The following BTBD7 variants were observed in gnomAD, a reference collection of about 807,000 sequenced individuals.
BTBD7 encodes the protein BTB domain containing 7.
In BTBD7, 38 loss-of-function variants were observed where a neutral mutation model predicts 99.9. The observed-to-expected ratio is 0.38, with a 90% CI of 0.29 to 0.50. BTBD7 has a LOEUF of 0.50. BTBD7 is among the 20% of genes least tolerant of loss of function. The pLI is 0.93. For synonymous variants in BTBD7, 520 were observed against 511.4 expected, an observed-to-expected ratio of 1.02 and a Z score of -0.23; for missense variants, 1,170 against 1,394.6, an observed-to-expected ratio of 0.84 and a Z score of 2.57.
chr14:93,262,133 AT>A (rs747240844), intron 4 of BTBD7, among the ~76,000 whole-genome samples: 27,084 of 140,460 alleles, frequency 0.19, 2,479 homozygotes, highest in African/African-American at 0.23. Context: ...CACCCAGCTA[AT>A]TTTTTTTTTT....
intron 9 of BTBD7, among the ~76,000 whole-genome samples, chr14:93,247,214 G>C (rs1364674284): frequency 6.6e-6 from 1 of 152,144 alleles, no homozygotes; most frequent in African/African-American, 2.4e-5. Flanking sequence ...TTTTTGTAGA[G>C]ATAGGGTTTT....
At chr14:93,258,582 A>T (rs1262812865) in intron 5 of BTBD7, among the ~76,000 whole-genome samples, 3 of 151,680 alleles carry the variant, frequency 2.0e-5, no homozygotes, top group Non-Finnish European at 4.4e-5. Context: ...CCTTTTATTT[A>T]TTTTTTTATT....
At position 93,251,591 on chromosome 14, in the gene BTBD7, A is replaced by G. The variant is rs914862291; in HGVS notation, c.1814T>C (p.Met605Thr). Reference protein sequence around the residue: ...TDLVRLRMVRMSNVPDTLYMV... With the variant: ...TDLVRLRMVRTSNVPDTLYMV... ...GTAGAGCGTGTCTGGCACATTGGACATTCTAACCATTCGCAAGCGCACAAG... is the reference window on the plus strand; with the variant it reads ...GTAGAGCGTGTCTGGCACATTGGACGTTCTAACCATTCGCAAGCGCACAAG... The change falls in exon 8 of 11, where the codon ATG becomes ACG. Residue 605 changes from methionine (M) to threonine (T), a missense_variant. Met to Thr is a moderately conservative substitution (Grantham distance 81, BLOSUM62 -1). Around this residue, in one of 4 missense-constraint regions of BTBD7, gnomAD observed 309 missense variants for 342.0 expected, o/e 0.90. Transcript: ENST00000334746. The G allele has an allele frequency of 1.9e-6, 3 of 1,613,774 alleles. No individual in the cohort carries two copies. The highest frequency in any genetic ancestry group is 1.3e-5 in the African/African-American group (1 of 75,034).
At chr14:93,258,643 G>T (rs2052456372) in intron 5 of BTBD7, among the ~76,000 whole-genome samples, 1 of 152,072 alleles carries the variant, frequency 6.6e-6, no homozygotes, top group African/African-American at 2.4e-5. Context: ...AGAGTGCAGT[G>T]GCATGATCTT....
In BTBD7 at chr14:93,304,978, G is replaced by T. The variant is rs1345484637; in HGVS notation, c.-106-8821C>A. 2.6e-5 allele frequency among the ~76,000 whole-genome samples: 4 copies of T among 152,162 alleles called. No individual in the cohort carries two copies. The East Asian group carries it at 7.7e-4, about 29-fold the overall frequency. On this transcript the variant is annotated intron_variant, in intron 1 of 10. Transcript: ENST00000334746. ...GAAACTCAAAGGTTTCCTCATCCAG[G>T]GCAGTCTTCATGAAGACAGTTCAAA...
intron 3 of BTBD7, among the ~76,000 whole-genome samples, chr14:93,266,773 CA>C: frequency 6.6e-6 from 1 of 152,262 alleles, no homozygotes; most frequent in African/African-American, 2.4e-5. Flanking sequence ...GGTAACAGAG[CA>C]AATAAAAGAT....
chr14:93,259,858 C>T (rs543681117), intron 5 of BTBD7, among the ~76,000 whole-genome samples: 2 of 152,146 alleles, frequency 1.3e-5, no homozygotes, highest in South Asian at 2.1e-4. Flanking sequence ...AGCTTGAACC[C>T]GGGAGGCAGA....
chr14:93,295,330 G>A (rs570672233), intron 2 of BTBD7, among the ~76,000 whole-genome samples: 106 of 152,044 alleles, frequency 7.0e-4, no homozygotes, highest in South Asian at 1.2e-3. Flanking sequence ...CACTAATGTT[G>A]CTCAGGCTGG....
chr14:93,267,727 G>A (rs945297013), intron 3 of BTBD7, among the ~76,000 whole-genome samples: 2 of 152,106 alleles, frequency 1.3e-5, no homozygotes, highest in African/African-American at 2.4e-5. Flanking sequence ...GTTCTTCTCC[G>A]GATGCCCATA....
intron 1 of BTBD7, among the ~76,000 whole-genome samples, chr14:93,329,281 A>T (rs1346417390): frequency 6.6e-6 from 1 of 152,254 alleles, no homozygotes; most frequent in Non-Finnish European, 1.5e-5. Context: ...TAACATCACC[A>T]ATCATTTTTA....
intron 3 of BTBD7, among the ~76,000 whole-genome samples, chr14:93,285,706 T>A (rs1206261376): frequency 1.3e-5 from 2 of 152,198 alleles, no homozygotes; most frequent in Non-Finnish European, 1.5e-5. Flanking sequence ...GTATATATGC[T>A]AAGGTCATTA....
rs752271588 is a variant in BTBD7 at position 93,251,569 on chromosome 14, G to C, written c.1836C>G (p.Leu612=). Residue 612 remains leucine, a synonymous_variant, in exon 8 of 11, where the codon CTC becomes CTG. Coordinates refer to ENST00000334746, the MANE Select transcript of BTBD7 (RefSeq NM_001002860.4). ...MVRMSNVPDT[L]YMVNNAVPQC... is the part of the protein sequence containing the mutation. Reference sequence around the variant, plus strand: ...GTGGCACGGCATTATTGACCATGTAGAGCGTGTCTGGCACATTGGACATTC... The same window carrying C: ...GTGGCACGGCATTATTGACCATGTACAGCGTGTCTGGCACATTGGACATTC... 9 of 1,613,912 alleles carry C rather than the reference G, an allele frequency of 5.6e-6. No individual in the cohort carries two copies. The highest frequency in any genetic ancestry group is 1.1e-5 in the South Asian group (1 of 91,064).
At chr14:93,295,269 CCTGG>C (rs1480776760) in intron 2 of BTBD7, among the ~76,000 whole-genome samples, 1 of 152,054 alleles carries the variant, frequency 6.6e-6, no homozygotes, top group African/African-American at 2.4e-5. Context: ...TGCCACCATG[CCTGG>C]CTAATTAAAA....
chr14:93,299,408 C>T (rs981415188), intron 1 of BTBD7, among the ~76,000 whole-genome samples: 1 of 152,198 alleles, frequency 6.6e-6, no homozygotes, highest in Non-Finnish European at 1.5e-5. Context: ...TCTCTCCAGG[C>T]AAGCCTGGTC....
At chr14:93,316,442 T>A (rs1286728125) in intron 1 of BTBD7, among the ~76,000 whole-genome samples, 1 of 151,970 alleles carries the variant, frequency 6.6e-6, no homozygotes, top group Non-Finnish European at 1.5e-5. Context: ...TCTGTTGAGG[T>A]CTTGGTGTGT....
chr14:93,243,520 A>G (rs1392862236), intron 10 of BTBD7, among the ~76,000 whole-genome samples: 1 of 152,186 alleles, frequency 6.6e-6, no homozygotes, highest in Non-Finnish European at 1.5e-5. Flanking sequence ...AAAAATACAG[A>G]AAGCTATAAA....
intron 1 of BTBD7, among the ~76,000 whole-genome samples, chr14:93,308,103 G>C (rs963294892): frequency 6.6e-6 from 1 of 152,088 alleles, no homozygotes; most frequent in African/African-American, 2.4e-5. Flanking sequence ...GACCATCCTG[G>C]CTAACACAGT....
intron 9 of BTBD7, 115 bp from the exon 10 acceptor site, chr14:93,246,401 TA>T: frequency 8.7e-7 from 1 of 1,144,134 alleles, no homozygotes; most frequent in Non-Finnish European, 1.2e-6. Context: ...TCAGCAAGAA[TA>T]AAAAGCATAA....
intron 1 of BTBD7, among the ~76,000 whole-genome samples, chr14:93,310,943 C>G (rs1408241827): frequency 6.6e-6 from 1 of 151,846 alleles, no homozygotes; most frequent in Non-Finnish European, 1.5e-5. Flanking sequence ...ACATGATAGT[C>G]TATCATTCTT....
Sources: gnomAD v4.1 joint callset for allele counts (sites outside exome capture counted in the v4.1 genomes callset) on GRCh38, gnomAD v4.1.1 for gene constraint, gnomAD v4.1.1 regional missense constraint, MANE v1.5 for transcripts, NCBI Gene and HGNC (gene_info 2026-07-23, HGNC 2026-07-21) for gene names.